Variants in EDC3 observed in about 807,000 individuals in gnomAD.
EDC3 encodes enhancer of mRNA-decapping protein 3.
Under a neutral mutation model 41.8 loss-of-function variants are expected in EDC3, and 20 were observed. The observed-to-expected ratio is 0.48, with a 90% CI of 0.34 to 0.70. The LOEUF is 0.70. EDC3 is among the 30% of genes least tolerant of loss of function. The pLI, the probability that EDC3 is intolerant of heterozygous loss-of-function variation, is 0.01. For synonymous variants in EDC3, 206 were observed against 243.2 expected, an observed-to-expected ratio of 0.85 and a Z score of 1.42; for missense variants, 444 against 636.8, an observed-to-expected ratio of 0.70 and a Z score of 3.26.
At chr15:74,673,178 G>A (rs2141653420) in intron 2 of EDC3, among the ~76,000 whole-genome samples, 1 of 152,086 alleles carries the variant, frequency 6.6e-6, no homozygotes, top group South Asian at 2.1e-4. Context: ...TATAGGGAAG[G>A]AGAAGAAAAA....
intron 3 of EDC3, among the ~76,000 whole-genome samples, chr15:74,657,021 C>T (rs1356061702): frequency 6.6e-6 from 1 of 152,182 alleles, no homozygotes; most frequent in Non-Finnish European, 1.5e-5. Context: ...ATAAAATCAC[C>T]CACATTTACC....
intron 1 of EDC3, among the ~76,000 whole-genome samples, chr15:74,691,740 T>G (rs1194843159): frequency 6.6e-6 from 1 of 152,138 alleles, no homozygotes; most frequent in Non-Finnish European, 1.5e-5. Context: ...CTAAACCAGA[T>G]CTGGTCTGCT....
chr15:74,688,759 T>A (rs1478415233), intron 1 of EDC3, among the ~76,000 whole-genome samples: 3 of 151,972 alleles, frequency 2.0e-5, no homozygotes, highest in Non-Finnish European at 4.4e-5. Flanking sequence ...TACAAAAAAT[T>A]AGCTGGGCGT....
chr15:74,688,786 A>AT (rs2062966935), intron 1 of EDC3, among the ~76,000 whole-genome samples: 1 of 152,150 alleles, frequency 6.6e-6, no homozygotes, highest in South Asian at 2.1e-4. Flanking sequence ...ACATGCCTGT[A>AT]ATCCCAGCTA....
At chr15:74,649,820 T>C (rs988103304) in intron 4 of EDC3, among the ~76,000 whole-genome samples, 4 of 143,686 alleles carry the variant, frequency 2.8e-5, no homozygotes, top group Non-Finnish European at 6.2e-5. Flanking sequence ...GCCTTTGCTT[T>C]CTCTGGGCTC....
chr15:74,661,967 A>G (rs2062626474), intron 3 of EDC3, among the ~76,000 whole-genome samples: 2 of 152,182 alleles, frequency 1.3e-5, no homozygotes. Flanking sequence ...TCCATCTTAT[A>G]AAGTTTTGTA....
intron 3 of EDC3, among the ~76,000 whole-genome samples, chr15:74,669,275 G>A (rs552355189): frequency 5.1e-4 from 77 of 151,712 alleles, no homozygotes; most frequent in Admixed American, 1.5e-3. Context: ...CCCAGGAGGC[G>A]GAAGTTGCGG....
chr15:74,632,535 A>G lies in EDC3; in HGVS notation c.*77T>C, dbSNP rs1718670468. On this transcript the variant is annotated 3_prime_UTR_variant, in exon 7 of 7. Transcript: ENST00000315127. The surrounding 1 kb of genome is among the most constrained non-coding windows in gnomAD (Gnocchi z 4.0). The stretch of plus-strand genomic sequence containing the variant: ...AAGAGAAAAAACTTTAACAAGGTCC[A>G]TGAAGCTTCATATCCTTAAGGCGTT... 1 of 1,506,420 alleles carries G rather than the reference A, an allele frequency of 6.6e-7. No homozygotes were observed. Among genetic ancestry groups the G allele is most frequent in the Non-Finnish European group, 9.0e-7 (1 of 1,109,144 alleles). The allele number at this position is 1,506,420 out of a possible 1,614,324, so 93.3% of individuals were successfully genotyped here.
chr15:74,645,608 G>A (rs2062406298), intron 4 of EDC3, among the ~76,000 whole-genome samples: 1 of 140,214 alleles, frequency 7.1e-6, no homozygotes, highest in Non-Finnish European at 1.5e-5. Flanking sequence ...CCCGGCCAAA[G>A]AGTAATCCCA....
In EDC3 at chr15:74,672,152, C is replaced by T. The variant is rs1039155155; in HGVS notation, c.165-378G>A. Among the ~76,000 whole-genome samples, 463 of 151,434 alleles carry T rather than the reference C, an allele frequency of 3.1e-3. 1 individual carries two copies. The highest frequency in any genetic ancestry group is 0.011 in the African/African-American group (437 of 41,312). ...GGCATAGTGGCGGGCACCTGTAGTC[C>T]CAGCTACTTGGGAGGCTGAGGCAGG... is the stretch of plus-strand genomic sequence containing the variant. On this transcript the variant is annotated intron_variant, in intron 2 of 6. Coordinates refer to ENST00000315127, the MANE Select transcript of EDC3 (RefSeq NM_025083.5).
Position 74,640,516 on chromosome 15 carries a change from T to C in EDC3, c.924A>G (p.Thr308=). Residue 308 remains threonine, a synonymous_variant, in exon 5 of 7, where the codon ACA becomes ACG. Transcript: ENST00000315127. ...GTGCCATCTGACTGGCACACACACC[T>C]GTCATCTCCAGTCTCCGCTCAAGGG... is the stretch of plus-strand genomic sequence containing the variant. ...GLTLERRLEM[T]GVCASQMALT... is the part of the protein sequence containing the mutation. 1 of 1,614,208 alleles carries C rather than the reference T, an allele frequency of 6.2e-7. No individual in the cohort carries two copies.
At chr15:74,678,247 G>A (rs892519852) in intron 1 of EDC3, among the ~76,000 whole-genome samples, 5 of 152,128 alleles carry the variant, frequency 3.3e-5, no homozygotes, top group Admixed American at 1.3e-4. Flanking sequence ...GGATGACAAC[G>A]AAGTGTCAGT....
intron 3 of EDC3, among the ~76,000 whole-genome samples, chr15:74,661,432 GCA>G (rs947492049): frequency 2.0e-4 from 30 of 152,044 alleles, no homozygotes; most frequent in African/African-American, 6.0e-4. Context: ...TTTTATTGGC[GCA>G]CAGTCATGGT....
chr15:74,694,196 A>T (rs1224686018), intron 1 of EDC3, among the ~76,000 whole-genome samples: 1 of 152,168 alleles, frequency 6.6e-6, no homozygotes, highest in Non-Finnish European at 1.5e-5. Flanking sequence ...CACAAATGGC[A>T]AGGATTTTAA....
At chr15:74,633,937 C>T (rs1296902828) in intron 6 of EDC3, among the ~76,000 whole-genome samples, 1 of 152,162 alleles carries the variant, frequency 6.6e-6, no homozygotes, top group Non-Finnish European at 1.5e-5. Context: ...AGAGTGGCAT[C>T]CTATCTTCTG....
At chr15:74,648,926 A>AT (rs1329735246) in intron 4 of EDC3, among the ~76,000 whole-genome samples, 5 of 151,896 alleles carry the variant, frequency 3.3e-5, no homozygotes, top group South Asian at 4.2e-4. Context: ...AATTCTAGTC[A>AT]TTTTTTTTAA....
At chr15:74,677,071 T>TC (rs1307922928) in intron 1 of EDC3, 2 of 150,414 alleles carry the variant, frequency 1.3e-5, no homozygotes, top group Non-Finnish European at 3.0e-5. Flanking sequence ...GCATTTTTCT[T>TC]TTTTTTTTTG....
At chr15:74,653,950 T>A (rs1414414340) in intron 4 of EDC3, among the ~76,000 whole-genome samples, 1 of 152,038 alleles carries the variant, frequency 6.6e-6, no homozygotes, top group East Asian at 1.9e-4. Context: ...CTTCCCAAGT[T>A]AAAAAAATCC....
At chr15:74,678,364 G>A (rs966261118) in intron 1 of EDC3, among the ~76,000 whole-genome samples, 6 of 151,892 alleles carry the variant, frequency 4.0e-5, no homozygotes, top group African/African-American at 9.7e-5. Context: ...CTGTATTTTC[G>A]GCTCAATTTT....
Sources: gnomAD v4.1 joint callset for allele counts (sites outside exome capture counted in the v4.1 genomes callset) on GRCh38, gnomAD v4.1.1 for gene constraint, Gnocchi (gnomAD v3.1) non-coding constraint, MANE v1.5 for transcripts, NCBI Gene and HGNC (gene_info 2026-07-23, HGNC 2026-07-21) for gene names.